The following MUSK variants were observed in gnomAD, a reference collection of about 807,000 sequenced individuals.
MUSK encodes muscle associated receptor tyrosine kinase.
MUSK carries 55 observed loss-of-function variants against 88.7 expected under a neutral mutation model. The observed-to-expected ratio is 0.62, with a 90% CI of 0.50 to 0.78. The LOEUF is 0.78. Ranked by LOEUF, MUSK falls within the 30% of genes least tolerant of loss-of-function variation. The pLI is 0.00. For missense variants in MUSK, 1,015 were observed against 1,074.3 expected (o/e 0.94, Z 0.77); for synonymous variants, 387 against 391.9 (o/e 0.99, Z 0.15).
Position 110,805,143 on chromosome 9 carries a change from T to C in MUSK, c.*4155T>C, listed in dbSNP as rs1046518916. On this transcript the variant is annotated 3_prime_UTR_variant, in exon 15 of 15. Coordinates refer to ENST00000374448, the MANE Select transcript of MUSK (RefSeq NM_005592.4). ...ATTATAAAATGTAATGTTTGGATCATCCTGTTGCTAAATTTTGTAAGCATT... is the reference window on the plus strand; with the variant it reads ...ATTATAAAATGTAATGTTTGGATCACCCTGTTGCTAAATTTTGTAAGCATT... Among the ~76,000 whole-genome samples, 2 of 151,970 alleles carry C rather than the reference T, an allele frequency of 1.3e-5. No individual in the cohort carries two copies. The highest frequency in any genetic ancestry group is 2.9e-5 in the Non-Finnish European group (2 of 67,832).
chr9:110,789,723 G>A (rs2077939549), intron 14 of MUSK, among the ~76,000 whole-genome samples: 1 of 152,054 alleles, frequency 6.6e-6, no homozygotes, highest in South Asian at 2.1e-4. Flanking sequence ...AGGTTGCAGT[G>A]AGCCGAGATT....
chr9:110,785,583 T>C lies in MUSK; in HGVS notation c.1643T>C (p.Leu548Pro), dbSNP rs2077842198. The C allele has an allele frequency of 6.2e-7, 1 of 1,613,248 alleles. No homozygotes were observed. The highest frequency in any genetic ancestry group is 1.1e-5 in the South Asian group (1 of 90,992). ...CCTTCTGAGCTCTTACTAGATAGAC[T>C]TCATCCCAACCCCATGTACCAGAGG... ...TLPSELLLDR[L>P]HPNPMYQRMP... Residue 548 changes from leucine (L) to proline (P), a missense_variant, in exon 13 of 15, where the codon CTT (leucine) becomes CCT (proline). Physicochemically the swap from Leu to Pro is moderately conservative, Grantham distance 98. Transcript: ENST00000374448.
intron 5 of MUSK, among the ~76,000 whole-genome samples, chr9:110,713,452 G>T (rs1292110512): frequency 6.6e-6 from 1 of 151,974 alleles, no homozygotes; most frequent in Admixed American, 6.6e-5. Flanking sequence ...TGGAGATGGG[G>T]CTTCACCATG....
intron 3 of MUSK, among the ~76,000 whole-genome samples, chr9:110,692,316 T>C (rs1168591013): frequency 1.3e-5 from 2 of 152,036 alleles, no homozygotes; most frequent in Non-Finnish European, 2.9e-5. Flanking sequence ...TGAGCCACCA[T>C]ACCAGGCTAC....
In MUSK at chr9:110,787,709, T is replaced by C. The variant is rs147562871; in HGVS notation, c.1798T>C (p.Tyr600His). 2.5e-6 allele frequency: 4 copies of C among 1,613,950 alleles called. No individual in the cohort carries two copies. Among genetic ancestry groups the C allele is most frequent in the African/African-American group, 1.3e-5 (1 of 75,044 alleles). The stretch of plus-strand genomic sequence containing the variant: ...TCTCAGGGCACCAGGCTTACTTCCC[T>C]ATGAACCTTTCACTATGGTGGCAGT... ...FQARAPGLLPYEPFTMVAVKM... is the reference protein window; with the variant it reads ...FQARAPGLLPHEPFTMVAVKM... Residue 600 changes from tyrosine (Y) to histidine (H), a missense_variant, in exon 14 of 15, where the codon TAT (tyrosine) becomes CAT (histidine). By Grantham distance (83) the Tyr-to-His change is moderately conservative. Transcript: ENST00000374448.
chr9:110,698,799 T>C (rs1342777049), intron 5 of MUSK, among the ~76,000 whole-genome samples: 1 of 152,144 alleles, frequency 6.6e-6, no homozygotes, highest in Non-Finnish European at 1.5e-5. Context: ...TATTTGAAGC[T>C]CCGTATTCAA....
chr9:110,689,370 A>T (rs866344579), intron 3 of MUSK, among the ~76,000 whole-genome samples: 1 of 117,880 alleles, frequency 8.5e-6, no homozygotes, highest in South Asian at 2.6e-4. Context: ...ATACATATTT[A>T]TATATATGTA....
chr9:110,782,259 G>C (rs1022640884), intron 11 of MUSK, among the ~76,000 whole-genome samples: 1 of 152,184 alleles, frequency 6.6e-6, no homozygotes, highest in Non-Finnish European at 1.5e-5. Flanking sequence ...GAAAAAGAAT[G>C]ACGATTCAAA....
intron 6 of MUSK, among the ~76,000 whole-genome samples, chr9:110,737,192 T>C (rs1373252402): frequency 1.3e-5 from 2 of 152,020 alleles, no homozygotes; most frequent in East Asian, 1.9e-4. Flanking sequence ...CATCAACATC[T>C]GAGACAGAAA....
chr9:110,685,137 TC>T (rs2076180325), intron 2 of MUSK, among the ~76,000 whole-genome samples: 1 of 152,096 alleles, frequency 6.6e-6, no homozygotes, highest in Admixed American at 6.6e-5. Flanking sequence ...TGAGGCATTT[TC>T]CATCTATTTT....
At chr9:110,707,078 A>G (rs935657057) in intron 5 of MUSK, among the ~76,000 whole-genome samples, 5 of 152,098 alleles carry the variant, frequency 3.3e-5, no homozygotes, top group Non-Finnish European at 5.9e-5. Flanking sequence ...TGACCAGTGC[A>G]GGGGCTCATG....
chr9:110,716,866 GGAT>G (rs1348867366), intron 5 of MUSK, among the ~76,000 whole-genome samples: 1 of 149,536 alleles, frequency 6.7e-6, no homozygotes, highest in Non-Finnish European at 1.5e-5. Context: ...TTTAACCTTT[GGAT>G]GATGTTCCTC....
intron 2 of MUSK, among the ~76,000 whole-genome samples, chr9:110,685,746 T>C (rs985117871): frequency 1.3e-5 from 2 of 152,210 alleles, no homozygotes; most frequent in East Asian, 1.9e-4. Flanking sequence ...TAAGATGATG[T>C]AGATTTTCTC....
intron 5 of MUSK, among the ~76,000 whole-genome samples, chr9:110,715,939 T>C (rs2076737435): frequency 6.7e-6 from 1 of 148,836 alleles, no homozygotes; most frequent in African/African-American, 2.6e-5. Flanking sequence ...CATGGACACA[T>C]GGGGGGAACA....
At chr9:110,747,890 T>C in intron 7 of MUSK, 90 bp downstream of exon 7, 1 of 1,473,108 alleles carries the variant, frequency 6.8e-7, no homozygotes, top group Non-Finnish European at 9.4e-7. Flanking sequence ...AATCTCCCTT[T>C]TCTTTTATCT....
intron 5 of MUSK, among the ~76,000 whole-genome samples, chr9:110,730,447 C>A (rs2076948862): frequency 6.6e-6 from 1 of 151,924 alleles, no homozygotes; most frequent in South Asian, 2.1e-4. Flanking sequence ...CTTTTATATT[C>A]TTTTATGCAG....
intron 3 of MUSK, among the ~76,000 whole-genome samples, chr9:110,690,025 T>C (rs1298046449): frequency 1.0e-5 from 1 of 95,432 alleles, no homozygotes; most frequent in Non-Finnish European, 1.8e-5. Context: ...ATAATATATA[T>C]TATATATTAA....
At chr9:110,783,886 T>C (rs1261006709) in intron 11 of MUSK, among the ~76,000 whole-genome samples, 1 of 152,056 alleles carries the variant, frequency 6.6e-6, no homozygotes, top group Non-Finnish European at 1.5e-5. Context: ...TTGTGTCTAA[T>C]CTATAACTAT....
intron 5 of MUSK, among the ~76,000 whole-genome samples, chr9:110,717,241 T>G (rs1354290580): frequency 2.0e-5 from 3 of 149,640 alleles, no homozygotes; most frequent in African/African-American, 7.6e-5. Context: ...ATTCTCCACT[T>G]TAACCCACAC....
Sources: gnomAD v4.1 joint callset for allele counts (sites outside exome capture counted in the v4.1 genomes callset) on GRCh38, gnomAD v4.1.1 for gene constraint, MANE v1.5 for transcripts, NCBI Gene and HGNC (gene_info 2026-07-23, HGNC 2026-07-21) for gene names.